Variants in IGF2R observed in about 807,000 individuals in gnomAD.
IGF2R encodes the protein insulin like growth factor 2 receptor.
A neutral mutation model predicts 270.6 loss-of-function variants in IGF2R; 91 were observed. The observed-to-expected ratio is 0.34, with a 90% CI of 0.28 to 0.40. IGF2R has a LOEUF of 0.40. Ranked by LOEUF, IGF2R falls within the 10% of genes least tolerant of loss-of-function variation. IGF2R has a pLI of 1.00. For missense variants in IGF2R, 2,805 were observed against 3,188.3 expected (o/e 0.88, Z 2.90); for synonymous variants, 1,316 against 1,258.9 (o/e 1.05, Z -0.96).
chr6:160,044,737 G>T (rs1778031461), intron 13 of IGF2R, 80 bp downstream of exon 13: 9 of 1,132,944 alleles, frequency 7.9e-6, no homozygotes, highest in Middle Eastern at 4.8e-4. Flanking sequence ...TTCCTCATCA[G>T]TCACTGCAAA....
At position 160,102,802 on chromosome 6, in the gene IGF2R, C is replaced by T. The variant is rs2114744310; in HGVS notation, c.6995+131C>T. 1.9e-6 allele frequency: 2 copies of T among 1,077,072 alleles called. No individual in the cohort carries two copies. The highest frequency in any genetic ancestry group is 2.7e-5 in the East Asian group (1 of 37,450). The allele number at this position is 1,077,072 out of a possible 1,614,324, so 66.7% of individuals were successfully genotyped here. On this transcript the variant is annotated intron_variant, in intron 46 of 47. Coordinates refer to ENST00000356956, the MANE Select transcript of IGF2R (RefSeq NM_000876.4). This position sits in a 1 kb window ranked among gnomAD's most constrained non-coding sequence, Gnocchi z 4.5. Reference sequence around the variant, plus strand: ...GCAGCGAAGGCTCGAGGTTCTTAGTCCAAAACTCTCTGGAAGCAGTCCCCA... The same window carrying T: ...GCAGCGAAGGCTCGAGGTTCTTAGTTCAAAACTCTCTGGAAGCAGTCCCCA...
chr6:160,103,968 C>G (rs569679540), intron 47 of IGF2R, among the ~76,000 whole-genome samples, 153 bp downstream of exon 47: 1 of 152,138 alleles, frequency 6.6e-6, no homozygotes, highest in Admixed American at 6.5e-5. Context: ...CAGCCACTTA[C>G]GCCAGCACAT....
intron 1 of IGF2R, among the ~76,000 whole-genome samples, chr6:159,986,523 C>T (rs1783890692): frequency 6.6e-6 from 1 of 151,690 alleles, no homozygotes; most frequent in African/African-American, 2.4e-5. Context: ...CCACCTTGGC[C>T]TCCCAAAGTG....
intron 2 of IGF2R, among the ~76,000 whole-genome samples, chr6:159,994,961 T>C (rs541688498): frequency 6.6e-6 from 1 of 152,328 alleles, no homozygotes; most frequent in East Asian, 1.9e-4. Flanking sequence ...GTCCATTTAA[T>C]CCTGAGTCCA....
At chr6:160,048,097 C>G (rs879927006) in intron 17 of IGF2R, among the ~76,000 whole-genome samples, 190 bp downstream of exon 17, 11 of 152,302 alleles carry the variant, frequency 7.2e-5, no homozygotes, top group Admixed American at 5.9e-4. Context: ...AGCAACCAGT[C>G]TTGGCCACAG....
At chr6:159,986,148 A>G (rs1222822997) in intron 1 of IGF2R, among the ~76,000 whole-genome samples, 1 of 151,988 alleles carries the variant, frequency 6.6e-6, no homozygotes, top group Admixed American at 6.5e-5. Flanking sequence ...GATGGAATAC[A>G]GCATAGAGTC....
chr6:159,980,050 G>A (rs111340861), intron 1 of IGF2R, among the ~76,000 whole-genome samples: 1,574 of 152,040 alleles, frequency 0.01, 25 homozygotes, highest in African/African-American at 0.036. Flanking sequence ...GCGCGGTGGC[G>A]GGCGCCTGTA....
At chr6:160,077,463 G>A (rs982545524) in intron 36 of IGF2R, among the ~76,000 whole-genome samples, 15 of 152,168 alleles carry the variant, frequency 9.9e-5, no homozygotes, top group African/African-American at 3.4e-4. Context: ...TGACTCTGCT[G>A]CCAACGTGAC....
Position 160,056,404 on chromosome 6 carries a change from C to A in IGF2R, c.2695-20C>A, listed in dbSNP as rs747908658. On this transcript the variant is annotated intron_variant, in intron 19 of 47. Coordinates refer to ENST00000356956, the MANE Select transcript of IGF2R (RefSeq NM_000876.4). ...TTCCATGTTACTGTATTGACTTTTA[C>A]CCTGGATTTGCCCATTCAGAACAGC... 4 of 1,531,090 alleles carry A rather than the reference C, an allele frequency of 2.6e-6. No homozygotes were observed. The highest frequency in any genetic ancestry group is 3.3e-5 in the Admixed American group (2 of 59,932). The allele number at this position is 1,531,090 out of a possible 1,614,324, so 94.8% of individuals were successfully genotyped here. A position where few individuals can be genotyped will look rare whatever the true frequency, so the allele number is the denominator to read the frequency against.
intron 1 of IGF2R, among the ~76,000 whole-genome samples, chr6:159,982,389 CG>C (rs1450722512): frequency 6.6e-6 from 1 of 152,106 alleles, no homozygotes; most frequent in African/African-American, 2.4e-5. Context: ...GCGTGCATGT[CG>C]AAAGTAGGAG....
chr6:160,030,047 C>G (rs1466340513), intron 7 of IGF2R, among the ~76,000 whole-genome samples: 4 of 152,048 alleles, frequency 2.6e-5, no homozygotes, highest in African/African-American at 7.2e-5. Flanking sequence ...TTATGAGAAG[C>G]CTTTCCCTCC....
chr6:160,068,148 C>G, intron 29 of IGF2R, 101 bp from the exon 30 acceptor site: 2 of 1,368,434 alleles, frequency 1.5e-6, no homozygotes, highest in East Asian at 4.6e-5. Flanking sequence ...TTCTGTCAGG[C>G]TTAGACTATG....
intron 4 of IGF2R, among the ~76,000 whole-genome samples, chr6:160,022,158 A>T (rs545114715): frequency 3.3e-5 from 5 of 152,326 alleles, no homozygotes; most frequent in African/African-American, 1.2e-4. Flanking sequence ...GACACCACAT[A>T]TTCTCACTTA....
At chr6:160,019,184 T>G (rs1777374322) in intron 4 of IGF2R, among the ~76,000 whole-genome samples, 1 of 152,144 alleles carries the variant, frequency 6.6e-6, no homozygotes, top group Non-Finnish European at 1.5e-5. Context: ...TGAGAAAATT[T>G]AGAGGAAATG....
chr6:160,043,397 T>A (rs1777990296), intron 12 of IGF2R, 109 bp downstream of exon 12: 2 of 1,257,520 alleles, frequency 1.6e-6, no homozygotes, highest in Non-Finnish European at 2.2e-6. Flanking sequence ...CTTTCTATAA[T>A]CACATGAAGG....
At chr6:160,003,220 C>T (rs1176895069) in intron 2 of IGF2R, 2 of 152,208 alleles carry the variant, frequency 1.3e-5, no homozygotes, top group Non-Finnish European at 2.9e-5. Flanking sequence ...TGGATTGTAT[C>T]TTTCATCTCT....
intron 5 of IGF2R, 52 bp downstream of exon 5, chr6:160,024,756 G>T (rs755832704): frequency 1.9e-6 from 3 of 1,580,294 alleles, no homozygotes; most frequent in African/African-American, 1.4e-5. Context: ...TTCTTCTATG[G>T]CTTCAATATC....
At chr6:160,058,830 A>AG in intron 21 of IGF2R, 76 bp from the exon 22 acceptor site, 1 of 1,259,720 alleles carries the variant, frequency 7.9e-7, no homozygotes, top group Non-Finnish European at 1.1e-6. Context: ...TGGGATTTGG[A>AG]GTTGCTAGGG....
Position 160,085,088 on chromosome 6 carries a change from C to G in IGF2R, c.6162C>G (p.Val2054=). ...SICRRTTTGD[V]QVLGLVHTQK... ...GCAGAAGGACCACAACTGGTGACGT[C>G]CAGGTCCTGGGACTCGTTCACACGC... Residue 2054 remains valine, a synonymous_variant, in exon 41 of 48, where the codon GTC becomes GTG. Coordinates refer to ENST00000356956, the MANE Select transcript of IGF2R (RefSeq NM_000876.4). The G allele has an allele frequency of 6.2e-7, 1 of 1,613,988 alleles. No homozygotes were observed. The highest frequency in any genetic ancestry group is 8.5e-7 in the Non-Finnish European group (1 of 1,179,978).
Sources: gnomAD v4.1 joint callset for allele counts (sites outside exome capture counted in the v4.1 genomes callset) on GRCh38, gnomAD v4.1.1 for gene constraint, Gnocchi (gnomAD v3.1) non-coding constraint, MANE v1.5 for transcripts, NCBI Gene and HGNC (gene_info 2026-07-23, HGNC 2026-07-21) for gene names.